ARFGEF1: variants seen among roughly 807,000 people sequenced by gnomAD.
ARFGEF1 encodes brefeldin A-inhibited guanine nucleotide-exchange protein 1.
In ARFGEF1, 42 loss-of-function variants were observed where a neutral mutation model predicts 231.0. The observed-to-expected ratio is 0.18, with a 90% CI of 0.14 to 0.24. ARFGEF1 has a LOEUF of 0.24. Ranked by LOEUF, ARFGEF1 falls within the 10% of genes least tolerant of loss-of-function variation. The pLI is 1.00. For synonymous variants in ARFGEF1, 710 were observed against 732.3 expected (o/e 0.97, Z 0.49); for missense variants, 1,345 against 2,192.0 (o/e 0.61, Z 7.72).
intron 4 of ARFGEF1, 41 bp downstream of exon 4, chr8:67,299,168 T>G: frequency 6.8e-7 from 1 of 1,468,714 alleles, no homozygotes; most frequent in Non-Finnish European, 9.1e-7. Context: ...ATTTTGAAGA[T>G]ACAGATTATT....
Position 67,253,471 on chromosome 8 carries a change from G to A in ARFGEF1, c.2678C>T (p.Pro893Leu). The A allele has an allele frequency of 4.5e-6, 7 of 1,565,192 alleles. No individual in the cohort carries two copies. Among genetic ancestry groups the A allele is most frequent in the Non-Finnish European group, 6.1e-6 (7 of 1,141,992 alleles). ...CTTACTCTGTTTACTTGATTTTGTAGGGATTGTTAGTTCTTTTGTTTCTTT... is the reference window on the plus strand; with the variant it reads ...CTTACTCTGTTTACTTGATTTTGTAAGGATTGTTAGTTCTTTTGTTTCTTT... ...SMKETKELTIPTKSSKQNVAS... is the reference protein window; with the variant it reads ...SMKETKELTILTKSSKQNVAS... The change falls in exon 18 of 39, where the codon CCT becomes CTT. Residue 893 changes from proline (P) to leucine (L), a missense_variant. Physicochemically the swap from Pro to Leu is moderately conservative, Grantham distance 98. Coordinates refer to ENST00000262215, the MANE Select transcript of ARFGEF1 (RefSeq NM_006421.5).
At chr8:67,235,576 C>G (rs931209934) in intron 22 of ARFGEF1, among the ~76,000 whole-genome samples, 2 of 152,114 alleles carry the variant, frequency 1.3e-5, no homozygotes, top group Admixed American at 6.5e-5. Flanking sequence ...TGCCTCTAGT[C>G]CTAGCATTTT....
chr8:67,266,351 T>A, intron 13 of ARFGEF1, 144 bp from the exon 14 acceptor site: 1 of 646,246 alleles, frequency 1.5e-6, no homozygotes, highest in Non-Finnish European at 2.7e-6. Context: ...GGTAACATAG[T>A]AAACAACATA....
At position 67,293,206 on chromosome 8, in the gene ARFGEF1, TTTGTAACACAA is replaced by T. The variant is rs374303029; in HGVS notation, c.640-1094_640-1084del. Among the ~76,000 whole-genome samples the T allele has an allele frequency of 1.3e-3, 204 of 152,264 alleles. 2 individuals are homozygous for T. The highest frequency in any genetic ancestry group is 4.7e-3 in the African/African-American group (197 of 41,570). ...ATCCATAGCACAGAACTAAATATCC[TTTGTAACACAA>T]TACATGTTCATAGCCTTTATCATAA... On this transcript the variant is annotated intron_variant, in intron 5 of 38. Transcript: ENST00000262215.
chr8:67,255,212 G>C (rs1840417440), intron 17 of ARFGEF1, among the ~76,000 whole-genome samples: 1 of 152,186 alleles, frequency 6.6e-6, no homozygotes, highest in Admixed American at 6.5e-5. Flanking sequence ...GCTTCACACA[G>C]AACACTTCTG....
intron 29 of ARFGEF1, among the ~76,000 whole-genome samples, chr8:67,221,024 A>G (rs955029696): frequency 6.6e-6 from 1 of 151,972 alleles, no homozygotes; most frequent in Non-Finnish European, 1.5e-5. Flanking sequence ...CTAAGATTAT[A>G]ATAGAGCTAT....
At chr8:67,175,054 C>CTTG, downstream of ARFGEF1, 1 of 428,296 alleles carries the variant, frequency 2.3e-6, no homozygotes, top group Non-Finnish European at 4.3e-6. Context: ...ACATCCACTG[C>CTTG]TTGTTCTGGG....
chr8:67,298,476 T>A (rs1015444847), intron 4 of ARFGEF1, among the ~76,000 whole-genome samples: 1 of 152,176 alleles, frequency 6.6e-6, no homozygotes, highest in Non-Finnish European at 1.5e-5. Context: ...GGATAAGTAG[T>A]GTCCACCTGG....
At chr8:67,190,909 C>T (rs1221855201) in intron 5 of ARFGEF1, 1 of 612,130 alleles carries the variant, frequency 1.6e-6, no homozygotes, top group Non-Finnish European at 2.9e-6. Flanking sequence ...ACTGGATGAC[C>T]TTGGGTAGCT....
chr8:67,222,182 C>CATATATATATAT (rs60905220), intron 29 of ARFGEF1, among the ~76,000 whole-genome samples: 3 of 117,740 alleles, frequency 2.5e-5, no homozygotes, highest in African/African-American at 1.2e-4. Flanking sequence ...TATATATACA[C>CATATATATATAT]ATATATATAT....
At chr8:67,175,166 GAT>G, downstream of ARFGEF1, 5 of 694,454 alleles carry the variant, frequency 7.2e-6, no homozygotes, top group Non-Finnish European at 1.3e-5. Context: ...TGACTTTAGT[GAT>G]GTTTCACTAT....
intron 5 of ARFGEF1, among the ~76,000 whole-genome samples, chr8:67,181,338 ATTTTTTTTTTTTT>A (rs58029238): frequency 8.9e-6 from 1 of 112,658 alleles, no homozygotes; most frequent in Non-Finnish European, 1.9e-5. Flanking sequence ...GTACCTGGCC[ATTTTTTTTTTTTT>A]TTTTTTTTTT....
chr8:67,205,864 AT>A (rs1345536296), intron 34 of ARFGEF1, among the ~76,000 whole-genome samples: 162 of 128,688 alleles, frequency 1.3e-3, no homozygotes, highest in African/African-American at 5.7e-3. Flanking sequence ...TCTCAAAAAA[AT>A]AAATAAATAA....
downstream of ARFGEF1, chr8:67,195,841 G>T: frequency 2.3e-6 from 1 of 444,150 alleles, no homozygotes; most frequent in Non-Finnish European, 4.1e-6. Flanking sequence ...GTAATGAACT[G>T]GATTGAACTA....
chr8:67,331,472 C>T (rs999452396), intron 1 of ARFGEF1, among the ~76,000 whole-genome samples: 5 of 152,104 alleles, frequency 3.3e-5, no homozygotes, highest in African/African-American at 7.2e-5. Context: ...AAGGAACCAG[C>T]CATCACCAGA....
chr8:67,196,048 TATTAATTA>T (rs60225155), downstream of ARFGEF1: 1 of 154,752 alleles, frequency 6.5e-6, no homozygotes, highest in African/African-American at 2.4e-5. Flanking sequence ...TCAAATGTCC[TATTAATTA>T]ATTATTATTT....
In ARFGEF1 at chr8:67,192,577, T is replaced by C. The variant is rs1836673124; in HGVS notation, c.560+7819A>G. On this transcript the variant is annotated intron_variant, in intron 5 of 5. Coordinates refer to the ARFGEF1 transcript ENST00000518789. ...CAACTCATCACTCTTTCTTGGGCTT[T>C]TGGTGTCTTAATTAAGAAACCATTG... Among the ~76,000 whole-genome samples the C allele has an allele frequency of 2.6e-5, 4 of 152,168 alleles. No individual in the cohort carries two copies. In the South Asian group the frequency reaches 6.2e-4, roughly 24 times the overall value.
intron 3 of ARFGEF1, among the ~76,000 whole-genome samples, chr8:67,299,942 G>A (rs1246137297): frequency 1.3e-5 from 2 of 151,748 alleles, no homozygotes; most frequent in African/African-American, 4.8e-5. Flanking sequence ...GCACTCCAAC[G>A]TAGGTGACAG....
chr8:67,236,364 AAATATATATATATATATATAT>A (rs1291705709), intron 22 of ARFGEF1, among the ~76,000 whole-genome samples: 415 of 36,752 alleles, frequency 0.011, 31 homozygotes, highest in Admixed American at 0.043. Context: ...AAAAAAAAAA[AAATATATATATATATATATAT>A]ATATATATAT....
Sources: allele counts gnomAD v4.1 joint callset (sites outside exome capture counted in the v4.1 genomes callset), GRCh38; gene constraint gnomAD v4.1.1; transcripts MANE v1.5; gene names NCBI Gene and HGNC (gene_info 2026-07-23, HGNC 2026-07-21).